The following NRXN1 variants were observed in gnomAD, a reference collection of about 807,000 sequenced individuals.
The protein encoded by NRXN1 is neurexin-1.
In NRXN1, 39 loss-of-function variants were observed where a neutral mutation model predicts 150.9. That is an observed-to-expected ratio of 0.26 (90% CI 0.20 to 0.34). NRXN1 has a LOEUF of 0.34. NRXN1 is among the 10% of genes least tolerant of loss of function. NRXN1 has a pLI of 1.00. For synonymous variants in NRXN1, 924 were observed against 757.0 expected (o/e 1.22, Z -3.62); for missense variants, 1,815 against 1,949.9 (o/e 0.93, Z 1.30).
intron 18 of NRXN1, among the ~76,000 whole-genome samples, chr2:50,162,132 G>T (rs1018658854): frequency 6.6e-6 from 1 of 152,036 alleles, no homozygotes; most frequent in Non-Finnish European, 1.5e-5. Flanking sequence ...CCAAAGTTAT[G>T]CCCAAATTGC....
At chr2:50,609,815 T>C (rs570145877) in intron 8 of NRXN1, among the ~76,000 whole-genome samples, 2 of 152,250 alleles carry the variant, frequency 1.3e-5, no homozygotes, top group South Asian at 4.1e-4. Flanking sequence ...GTCAACCTAA[T>C]TGTCTTATAT....
At chr2:50,568,540 C>G (rs1260712457) in intron 8 of NRXN1, among the ~76,000 whole-genome samples, 1 of 152,100 alleles carries the variant, frequency 6.6e-6, no homozygotes, top group Non-Finnish European at 1.5e-5. Context: ...ATATGACAAG[C>G]TGCTCAACAT....
intron 18 of NRXN1, among the ~76,000 whole-genome samples, chr2:50,134,723 A>G (rs77491794): frequency 0.019 from 2,825 of 152,194 alleles, 73 homozygotes; most frequent in African/African-American, 0.065. Flanking sequence ...TAAGTCCCCT[A>G]GCTGCAAATA....
intron 21 of NRXN1, among the ~76,000 whole-genome samples, chr2:50,047,748 C>T (rs1313443405): frequency 6.6e-6 from 1 of 151,730 alleles, no homozygotes; most frequent in African/African-American, 2.4e-5. Flanking sequence ...TGACATCCCA[C>T]ACTATTCGTT....
chr2:50,784,565 G>A (rs1240715611), intron 5 of NRXN1, among the ~76,000 whole-genome samples: 1 of 152,018 alleles, frequency 6.6e-6, no homozygotes, highest in African/African-American at 2.4e-5. Context: ...GTTAAGGCTC[G>A]ACAGATATTA....
intron 9 of NRXN1, 116 bp downstream of exon 9, chr2:50,552,471 G>C: frequency 1.3e-6 from 1 of 751,260 alleles, no homozygotes; most frequent in South Asian, 1.8e-5. Context: ...ATTTCTTTTA[G>C]GCTAAAGAAA....
intron 5 of NRXN1, among the ~76,000 whole-genome samples, chr2:50,795,959 C>T (rs922249034): frequency 5.3e-5 from 8 of 151,978 alleles, no homozygotes; most frequent in African/African-American, 1.7e-4. Context: ...TATTTCATCA[C>T]GCAATGACCC....
intron 5 of NRXN1, among the ~76,000 whole-genome samples, chr2:50,640,357 T>C (rs1270101971): frequency 6.6e-6 from 1 of 152,172 alleles, no homozygotes; most frequent in Non-Finnish European, 1.5e-5. Context: ...AACCTTATGG[T>C]TCTTTAAACT....
intron 18 of NRXN1, among the ~76,000 whole-genome samples, chr2:50,098,799 T>C (rs1488274959): frequency 1.5e-5 from 2 of 135,192 alleles, no homozygotes; most frequent in African/African-American, 5.4e-5. Context: ...GGAGGGTTAC[T>C]ACAGGGTGCA....
intron 19 of NRXN1, among the ~76,000 whole-genome samples, chr2:50,089,250 C>A (rs1000660303): frequency 6.6e-6 from 1 of 152,108 alleles, no homozygotes; most frequent in African/African-American, 2.4e-5. Flanking sequence ...AAAACCATGC[C>A]TCAAGAGGCA....
At chr2:50,095,182 AG>A in intron 18 of NRXN1, among the ~76,000 whole-genome samples, 1 of 152,176 alleles carries the variant, frequency 6.6e-6, no homozygotes, top group Non-Finnish European at 1.5e-5. Context: ...CAGAGGAGTA[AG>A]CTGATTTTAC....
At chr2:50,119,906 A>G (rs896685) in intron 18 of NRXN1, among the ~76,000 whole-genome samples, 41,762 of 152,000 alleles carry the variant, frequency 0.27, 6,163 homozygotes, top group Admixed American at 0.41. Context: ...AGTATTGTAA[A>G]AAGTCTCTCT....
At chr2:50,171,786 T>C in intron 18 of NRXN1, among the ~76,000 whole-genome samples, 1 of 152,176 alleles carries the variant, frequency 6.6e-6, no homozygotes, top group South Asian at 2.1e-4. Context: ...ATTAGCAGGG[T>C]TACTGACATA....
intron 17 of NRXN1, among the ~76,000 whole-genome samples, chr2:50,426,014 A>G (rs969744814): frequency 3.9e-5 from 6 of 152,320 alleles, no homozygotes; most frequent in African/African-American, 1.4e-4. Flanking sequence ...TTACAGAGAC[A>G]TTTTAACATC....
At chr2:50,418,030 T>C (rs1380279256) in intron 17 of NRXN1, among the ~76,000 whole-genome samples, 1 of 152,006 alleles carries the variant, frequency 6.6e-6, no homozygotes, top group East Asian at 1.9e-4. Context: ...GAAAGATTAC[T>C]AGTTCTTCCA....
At chr2:50,568,657 T>TG (rs2105442636) in intron 8 of NRXN1, among the ~76,000 whole-genome samples, 1 of 152,188 alleles carries the variant, frequency 6.6e-6, no homozygotes, top group East Asian at 1.9e-4. Context: ...ATGGTGAGAA[T>TG]GTGGTGAAAA....
chr2:50,601,762 C>T (rs1327634643), intron 8 of NRXN1, among the ~76,000 whole-genome samples: 1 of 152,114 alleles, frequency 6.6e-6, no homozygotes, highest in Non-Finnish European at 1.5e-5. Context: ...GCCATGTATG[C>T]CATACACATC....
At chr2:50,229,998 C>A (rs750122501) in intron 18 of NRXN1, among the ~76,000 whole-genome samples, 6 of 151,974 alleles carry the variant, frequency 3.9e-5, no homozygotes, top group African/African-American at 1.4e-4. Flanking sequence ...TGGGGCCCAC[C>A]ACAAAGCAGT....
intron 17 of NRXN1, among the ~76,000 whole-genome samples, chr2:50,256,764 G>A (rs867903188): frequency 6.6e-6 from 1 of 152,050 alleles, no homozygotes; most frequent in Non-Finnish European, 1.5e-5. Context: ...AATGAGAGAT[G>A]AGCAAAAATG....
Sources: allele counts gnomAD v4.1 joint callset (sites outside exome capture counted in the v4.1 genomes callset), GRCh38; gene constraint gnomAD v4.1.1; transcripts MANE v1.5; gene names NCBI Gene and HGNC (gene_info 2026-07-23, HGNC 2026-07-21).